Variants in LRP2 observed in about 807,000 individuals in gnomAD.
The protein encoded by LRP2 is low-density lipoprotein receptor-related protein 2.
A neutral mutation model predicts 531.0 loss-of-function variants in LRP2; 172 were observed. The ratio of observed to expected loss-of-function variants is 0.32; its 90% CI spans 0.29 to 0.37. The LOEUF is 0.37. LRP2 is among the 10% of genes least tolerant of loss of function. The pLI is 1.00. For missense variants in LRP2, 5,167 were observed against 5,868.3 expected, an observed-to-expected ratio of 0.88 and a Z score of 3.90; for synonymous variants, 1,992 against 2,027.6, an observed-to-expected ratio of 0.98 and a Z score of 0.47.
At chr2:169,320,433 G>C (rs1684878120) in intron 2 of LRP2, among the ~76,000 whole-genome samples, 1 of 152,072 alleles carries the variant, frequency 6.6e-6, no homozygotes, top group African/African-American at 2.4e-5. Flanking sequence ...GTTTGTTCTT[G>C]TGGGTACACA....
At position 169,315,959 on chromosome 2, in the gene LRP2, CAAAAAAAAAA is replaced by C. The variant is rs536458606; in HGVS notation, c.310+2793_310+2802del. Among the ~76,000 whole-genome samples, 5 of 73,748 alleles carry C rather than the reference CAAAAAAAAAA, an allele frequency of 6.8e-5. No individual in the cohort carries two copies. The South Asian group carries it at 1.6e-3, about 23-fold the overall frequency. 48.4% of individuals were successfully genotyped at this position (73,748 alleles called of 152,430 possible). A position where few individuals can be genotyped will look rare whatever the true frequency, so the allele number is the denominator to read the frequency against. On this transcript the variant is annotated intron_variant, in intron 3 of 78. Coordinates refer to ENST00000649046, the MANE Select transcript of LRP2 (RefSeq NM_004525.3). ...GCAACATGGGAAAACCCCATCTCTA[CAAAAAAAAAA>C]AAAAAAAAAAAAAATACAAAATTAG...
chr2:169,259,751 A>C lies in LRP2; in HGVS notation c.2321-534T>G, dbSNP rs542484462. Among the ~76,000 whole-genome samples, 23 of 143,766 alleles carry C rather than the reference A, an allele frequency of 1.6e-4. 1 individual carries two copies. In the South Asian group the frequency reaches 2.9e-3, roughly 18 times the overall value. 94.3% of individuals were successfully genotyped at this position (143,766 alleles called of 152,430 possible). ...TGATTAAAAACAACAACAACAAAAA[A>C]AAAAAAACGCTTTCCTCTTTATGGA... On this transcript the variant is annotated intron_variant, in intron 16 of 78. Coordinates refer to ENST00000649046, the MANE Select transcript of LRP2 (RefSeq NM_004525.3).
At chr2:169,209,796 AC>A (rs1688530339) in intron 37 of LRP2, among the ~76,000 whole-genome samples, 155 bp from the exon 38 acceptor site, 1 of 152,184 alleles carries the variant, frequency 6.6e-6, no homozygotes, top group African/African-American at 2.4e-5. Context: ...CAGTGAGCAG[AC>A]CCACATCTTG....
rs765829388 is a variant in LRP2 at position 169,274,985 on chromosome 2, C to G, written c.1975+51G>C. On this transcript the variant is annotated intron_variant, in intron 14 of 78. Coordinates refer to ENST00000649046, the MANE Select transcript of LRP2 (RefSeq NM_004525.3). ...TTAACTTTCAAAGCTTTGAGAAAAC[C>G]TTTCCACCAAGTCCGGTACCAAGCA... 13 of 1,579,852 alleles carry G rather than the reference C, an allele frequency of 8.2e-6. No individual in the cohort carries two copies. In the East Asian group the frequency reaches 1.8e-4, roughly 22 times the overall value.
In LRP2 at chr2:169,259,128, G is replaced by T. The variant is rs761297911; in HGVS notation, c.2410C>A (p.His804Asn). ...ISKNLYWTDS[H>N]YKSISVMRLA... ...CTCATGACACTGATACTCTTGTAATGAGAGTCTGTCCAATAGAGATTCTTT... is the reference window on the plus strand; with the variant it reads ...CTCATGACACTGATACTCTTGTAATTAGAGTCTGTCCAATAGAGATTCTTT... Residue 804 changes from histidine to asparagine, a missense_variant, in exon 17 of 79, where the codon CAT becomes AAT. By Grantham distance (68) the His-to-Asn change is moderately conservative. This residue lies in a region of LRP2 where 2,811 missense variants were observed against 3,058.0 expected (regional missense o/e 0.92). Coordinates refer to ENST00000649046, the MANE Select transcript of LRP2 (RefSeq NM_004525.3). 5.6e-6 allele frequency: 9 copies of T among 1,612,982 alleles called. No homozygotes were observed. In the South Asian group the frequency reaches 9.9e-5, roughly 18 times the overall value.
chr2:169,331,982 G>T (rs1002120212), intron 1 of LRP2, among the ~76,000 whole-genome samples: 3 of 152,236 alleles, frequency 2.0e-5, no homozygotes, highest in Admixed American at 2.0e-4. Flanking sequence ...TGGTGTTTCA[G>T]ACTAGCATTG....
At chr2:169,293,388 C>A (rs2105470943) in intron 6 of LRP2, among the ~76,000 whole-genome samples, 1 of 152,226 alleles carries the variant, frequency 6.6e-6, no homozygotes, top group East Asian at 1.9e-4. Flanking sequence ...CACACTGAAA[C>A]TTTCAGGCTG....
intron 28 of LRP2, 48 bp downstream of exon 28, chr2:169,237,055 C>T (rs762806794): frequency 6.7e-7 from 1 of 1,493,554 alleles, no homozygotes; most frequent in Admixed American, 1.7e-5. Flanking sequence ...TTGTTTTTCC[C>T]TCATCATAAC....
At chr2:169,295,932 G>GAA (rs1272317676) in intron 4 of LRP2, among the ~76,000 whole-genome samples, 2 of 152,006 alleles carry the variant, frequency 1.3e-5, no homozygotes, top group African/African-American at 2.4e-5. Flanking sequence ...TTTAACCAAG[G>GAA]AAAAGGTATG....
intron 4 of LRP2, among the ~76,000 whole-genome samples, chr2:169,295,157 C>T (rs1215141950): frequency 6.6e-6 from 1 of 152,226 alleles, no homozygotes; most frequent in Non-Finnish European, 1.5e-5. Flanking sequence ...AAGGCCATTT[C>T]TTCCACTGGC....
intron 36 of LRP2, among the ~76,000 whole-genome samples, chr2:169,213,202 A>T (rs1486379160): frequency 6.6e-6 from 1 of 152,148 alleles, no homozygotes; most frequent in Non-Finnish European, 1.5e-5. Flanking sequence ...TAAGACTAAA[A>T]ATTCCATCCC....
At position 169,271,122 on chromosome 2, in the gene LRP2, A is replaced by G; in HGVS notation, c.2117-15T>C. The G allele has an allele frequency of 1.3e-6, 2 of 1,588,206 alleles. No individual in the cohort carries two copies. The highest frequency in any genetic ancestry group is 1.7e-6 in the Non-Finnish European group (2 of 1,157,646). ...ATTCTGAACAGCTGTAGGAAGAATA[A>G]CACAGCACAGTCAGTCACAGCATGG... On this transcript the variant is annotated splice_polypyrimidine_tract_variant and intron_variant, in intron 15 of 78. Coordinates refer to ENST00000649046, the MANE Select transcript of LRP2 (RefSeq NM_004525.3).
At position 169,173,998 on chromosome 2, in the gene LRP2, G is replaced by A. The variant is rs754112326; in HGVS notation, c.10935C>T (p.Gly3645=). ...CRPGQFRCAN[G]RCIPQAWKCD... ...ACTTCCAGGCCTGCGGGATGCAGCG[G>A]CCATTAGCACACCGAAACTGGCCCG... Residue 3645 remains glycine (G), a synonymous_variant, in exon 56 of 79, where the codon GGC becomes GGT. Transcript: ENST00000649046. 6.2e-6 allele frequency: 10 copies of A among 1,614,058 alleles called. No homozygotes were observed. The highest frequency in any genetic ancestry group is 1.7e-5 in the Admixed American group (1 of 60,002).
intron 44 of LRP2, among the ~76,000 whole-genome samples, chr2:169,199,332 C>A (rs1415347536): frequency 6.6e-6 from 1 of 151,956 alleles, no homozygotes; most frequent in Non-Finnish European, 1.5e-5. Context: ...AAGCAAGATT[C>A]AAAACAGTAG....
intron 8 of LRP2, 84 bp downstream of exon 8, chr2:169,290,761 A>G (rs769175717): frequency 1.4e-6 from 2 of 1,427,104 alleles, no homozygotes; most frequent in Admixed American, 3.7e-5. Context: ...GCAAATGCCA[A>G]CAGATACACT....
chr2:169,141,856 G>T (rs1207962317), intron 71 of LRP2, among the ~76,000 whole-genome samples: 3 of 152,142 alleles, frequency 2.0e-5, no homozygotes, highest in Non-Finnish European at 4.4e-5. Context: ...GGGGTGACAA[G>T]AAACAGTTTT....
intron 16 of LRP2, among the ~76,000 whole-genome samples, chr2:169,269,683 C>A (rs945701346): frequency 6.6e-6 from 1 of 152,068 alleles, no homozygotes. Flanking sequence ...ACCATTCAGG[C>A]CATAGGTGTG....
intron 1 of LRP2, among the ~76,000 whole-genome samples, chr2:169,340,098 T>A (rs1462768524): frequency 6.6e-6 from 1 of 152,130 alleles, no homozygotes; most frequent in Non-Finnish European, 1.5e-5. Context: ...TTAGAGTAAG[T>A]TTTATCCTTC....
chr2:169,146,511 A>T (rs1685917267), intron 69 of LRP2, among the ~76,000 whole-genome samples: 1 of 151,408 alleles, frequency 6.6e-6, no homozygotes, highest in Non-Finnish European at 1.5e-5. Flanking sequence ...GCTGAGAAGC[A>T]TTTTTTTTTA....
Sources: gnomAD v4.1 joint callset for allele counts (sites outside exome capture counted in the v4.1 genomes callset) on GRCh38, gnomAD v4.1.1 for gene constraint, gnomAD v4.1.1 regional missense constraint, MANE v1.5 for transcripts, NCBI Gene and HGNC (gene_info 2026-07-23, HGNC 2026-07-21) for gene names.